Variants in C11orf98 observed in about 807,000 individuals in gnomAD.
C11orf98 encodes chromosome 11 open reading frame 98.
Under a neutral mutation model 10.9 loss-of-function variants are expected in C11orf98, and 7 were observed. The ratio of observed to expected loss-of-function variants is 0.64; its 90% confidence interval spans 0.37 to 1.21. The LOEUF is 1.21. Ranked by LOEUF, C11orf98 falls within the 50% of genes most tolerant of loss-of-function variation. The pLI is 0.02. For synonymous variants in C11orf98, 70 were observed against 57.2 expected, an observed-to-expected ratio of 1.22 and a Z score of -1.01; for missense variants, 181 against 153.7, an observed-to-expected ratio of 1.18 and a Z score of -0.94.
intron 3 of C11orf98, 29 bp from the exon 4 acceptor site, chr11:62,663,188 C>T (rs1944699207): frequency 1.2e-6 from 2 of 1,613,640 alleles, no homozygotes; most frequent in Non-Finnish European, 1.7e-6. Flanking sequence ...GAAGTATTAT[C>T]CCAAATAAAT....
At position 62,665,152 on chromosome 11, in the gene C11orf98, TC is replaced by T. The variant is rs1565125738; in HGVS notation, c.17del (p.Gly6GlufsTer10). 5.2e-6 allele frequency: 5 copies of T among 952,528 alleles called. No homozygotes were observed. Among genetic ancestry groups the T allele is most frequent in the African/African-American group, 3.2e-5 (2 of 61,616 alleles). 59.0% of individuals were successfully genotyped at this position (952,528 alleles called of 1,614,324 possible). On this transcript the variant is annotated frameshift_variant, in exon 1 of 4. Coordinates refer to ENST00000524958, the MANE Select transcript of C11orf98 (RefSeq NM_001286086.2). LOFTEE classifies it high-confidence loss of function. ...TCACCGTTCGGGGCCGGTTGATCTT[TC>T]CCCCCGGAGCTCCCATAGTCGCGAT... MGAPGGKINRPRTELK... is the reference protein window; with the variant it reads MGAPGXKINRPRTELK...
chr11:62,664,082 GAAAA>G (rs71056540), intron 2 of C11orf98, among the ~76,000 whole-genome samples: 40 of 65,938 alleles, frequency 6.1e-4, no homozygotes, highest in African/African-American at 2.3e-3. Context: ...CAAAAAAGAG[GAAAA>G]AAAAAAAAAA....
intron 2 of C11orf98, among the ~76,000 whole-genome samples, chr11:62,664,299 T>C (rs538988027): frequency 2.7e-5 from 4 of 150,344 alleles, no homozygotes; most frequent in African/African-American, 4.9e-5. Context: ...ACTTGGAGAA[T>C]GGAGAGCCAA....
In C11orf98 at chr11:62,662,967, G is replaced by A; in HGVS notation, c.*83C>T. Reference sequence around the variant, plus strand: ...GGAGGAAATCTGGAGAGTGAAAAGGGGCCTTGCTTTTGTCAAAGTCCTCTG... The same window carrying A: ...GGAGGAAATCTGGAGAGTGAAAAGGAGCCTTGCTTTTGTCAAAGTCCTCTG... On this transcript the variant is annotated 3_prime_UTR_variant, in exon 4 of 4. Transcript: ENST00000524958. The A allele has an allele frequency of 9.5e-7, 1 of 1,057,736 alleles. No homozygotes were observed. The highest frequency in any genetic ancestry group is 1.4e-6 in the Non-Finnish European group (1 of 723,178). 65.5% of individuals were successfully genotyped at this position (1,057,736 alleles called of 1,614,324 possible).
Position 62,664,841 on chromosome 11 carries a change from G to A in C11orf98, c.164+8C>T. 6.4e-7 allele frequency: 1 copy of A among 1,561,126 alleles called. No individual in the cohort carries two copies. The highest frequency in any genetic ancestry group is 8.7e-7 in the Non-Finnish European group (1 of 1,152,476). On this transcript the variant is annotated splice_region_variant and intron_variant, in intron 2 of 3. Coordinates refer to ENST00000524958, the MANE Select transcript of C11orf98 (RefSeq NM_001286086.2). Reference sequence around the variant, plus strand: ...GGACGACCAACAGGAAGAGGGTCTAGTACTTACGCCCGCTTCTTGAGGTGG... The same window carrying A: ...GGACGACCAACAGGAAGAGGGTCTAATACTTACGCCCGCTTCTTGAGGTGG...
At chr11:62,663,807 T>TTATGCCTGTAAC (rs1293518905) in intron 2 of C11orf98, among the ~76,000 whole-genome samples, 1 of 151,618 alleles carries the variant, frequency 6.6e-6, no homozygotes, top group Non-Finnish European at 1.5e-5. Flanking sequence ...GGGCGGTGGC[T>TTATGCCTGTAAC]TATGCCTGTA....
intron 2 of C11orf98, 111 bp downstream of exon 2, chr11:62,664,738 C>T: frequency 7.3e-7 from 1 of 1,366,542 alleles, no homozygotes; most frequent in Non-Finnish European, 9.9e-7. Flanking sequence ...ACATTCCCCG[C>T]ATAAGCGTCA....
chr11:62,665,013 G>C (rs751030617), intron 1 of C11orf98, 40 bp from the exon 2 acceptor site: 6 of 1,602,578 alleles, frequency 3.7e-6, no homozygotes, highest in Non-Finnish European at 5.1e-6. Flanking sequence ...GAGTGGGCTC[G>C]CCGCGACCCG....
intron 3 of C11orf98, 35 bp from the exon 4 acceptor site, chr11:62,663,194 T>C (rs1304205081): frequency 3.7e-6 from 6 of 1,613,760 alleles, no homozygotes; most frequent in Non-Finnish European, 5.1e-6. Flanking sequence ...TTATCCCAAA[T>C]AAATCCAGGA....
At position 62,663,134 on chromosome 11, in the gene C11orf98, C is replaced by G; in HGVS notation, c.288G>C (p.Arg96Ser). 1.2e-6 allele frequency: 2 copies of G among 1,614,110 alleles called. No homozygotes were observed. Among genetic ancestry groups the G allele is most frequent in the Non-Finnish European group, 1.7e-6 (2 of 1,179,996 alleles). ...GCCTTTTGAGCTGTGGTTCACTAGT[C>G]CTGGCTGGCTTTGAAGGGGCTTCCA... ...MEVEAPSKPA[R>S]TSEPQLKRQK... The change falls in exon 4 of 4, where the codon AGG becomes AGC. Residue 96 changes from arginine (R) to serine (S), a missense_variant. Coordinates refer to ENST00000524958, the MANE Select transcript of C11orf98 (RefSeq NM_001286086.2).
At position 62,663,071 on chromosome 11, in the gene C11orf98, C is replaced by T; in HGVS notation, c.351G>A (p.Lys117=). Residue 117 remains lysine (K), a synonymous_variant, in exon 4 of 4, where the codon AAG becomes AAA. Transcript: ENST00000524958. ...KTKAPQDVEM[K]DLEDES ...AGGTTTAGCTCTCATCTTCAAGGTC[C>T]TTCATTTCTACATCCTGGGGGGCTT... 1 of 1,603,988 alleles carries T rather than the reference C, an allele frequency of 6.2e-7. No homozygotes were observed. Among genetic ancestry groups the T allele is most frequent in the Non-Finnish European group, 8.5e-7 (1 of 1,172,072 alleles).
At chr11:62,665,003 G>C (rs766838791) in intron 1 of C11orf98, 30 bp from the exon 2 acceptor site, 8 of 1,605,286 alleles carry the variant, frequency 5.0e-6, no homozygotes, top group African/African-American at 1.3e-5. Flanking sequence ...GAATCAGATG[G>C]AGTGGGCTCG....
At chr11:62,664,082 GAAAAAA>G (rs71056540) in intron 2 of C11orf98, among the ~76,000 whole-genome samples, 4 of 65,944 alleles carry the variant, frequency 6.1e-5, no homozygotes, top group Admixed American at 1.9e-4. Flanking sequence ...CAAAAAAGAG[GAAAAAA>G]AAAAAAAAAA....
chr11:62,663,207 C>T (rs774029741), intron 3 of C11orf98, 29 bp downstream of exon 3: 4 of 1,613,788 alleles, frequency 2.5e-6, no homozygotes, highest in Non-Finnish European at 2.5e-6. Context: ...ATCCAGGATT[C>T]CCCTCACCCA....
intron 2 of C11orf98, among the ~76,000 whole-genome samples, chr11:62,664,073 A>C (rs1255312035): frequency 2.2e-5 from 3 of 139,000 alleles, no homozygotes; most frequent in Non-Finnish European, 4.7e-5. Context: ...ACTCTGTCTC[A>C]AAAAAGAGGA....
chr11:62,663,502 C>T (rs1463963380), intron 2 of C11orf98, among the ~76,000 whole-genome samples, 169 bp from the exon 3 acceptor site: 1 of 151,820 alleles, frequency 6.6e-6, no homozygotes, highest in Non-Finnish European at 1.5e-5. Flanking sequence ...GTCAGGAGAT[C>T]GAGACCACGG....
Position 62,663,132 on chromosome 11 carries a change from G to A in C11orf98, c.290C>T (p.Thr97Ile), listed in dbSNP as rs1590843495. Residue 97 changes from threonine (T) to isoleucine (I), a missense_variant, in exon 4 of 4, where the codon ACT becomes ATT. Coordinates refer to ENST00000524958, the MANE Select transcript of C11orf98 (RefSeq NM_001286086.2). ...TTGCCTTTTGAGCTGTGGTTCACTA[G>A]TCCTGGCTGGCTTTGAAGGGGCTTC... ...EVEAPSKPAR[T>I]SEPQLKRQKK... The A allele has an allele frequency of 6.2e-7, 1 of 1,614,112 alleles. No individual in the cohort carries two copies. Among genetic ancestry groups the A allele is most frequent in the Non-Finnish European group, 8.5e-7 (1 of 1,179,990 alleles).
Position 62,662,846 on chromosome 11 carries a change from A to G in C11orf98, c.*204T>C. Reference sequence around the variant, plus strand: ...AGTGCTAGGGCTTTATTACAAATGGAGTTGACTGCTAGAGAGGCCCTTCTC... The same window carrying G: ...AGTGCTAGGGCTTTATTACAAATGGGGTTGACTGCTAGAGAGGCCCTTCTC... On this transcript the variant is annotated 3_prime_UTR_variant, in exon 4 of 4. Coordinates refer to ENST00000524958, the MANE Select transcript of C11orf98 (RefSeq NM_001286086.2). The G allele has an allele frequency of 1.9e-6, 1 of 533,392 alleles. No homozygotes were observed. The highest frequency in any genetic ancestry group is 2.4e-5 in the South Asian group (1 of 41,798). 33.0% of individuals were successfully genotyped at this position (533,392 alleles called of 1,614,324 possible).
At position 62,663,224 on chromosome 11, in the gene C11orf98, T is replaced by G; in HGVS notation, c.262+12A>C. On this transcript the variant is annotated intron_variant, in intron 3 of 3. Transcript: ENST00000524958. Reference sequence around the variant, plus strand: ...CCAGGATTCCCCTCACCCACCTCTGTCCCAGCCTCACCTTCCATGGCTGTC... The same window carrying G: ...CCAGGATTCCCCTCACCCACCTCTGGCCCAGCCTCACCTTCCATGGCTGTC... 6.2e-7 allele frequency: 1 copy of G among 1,613,854 alleles called. No homozygotes were observed. The highest frequency in any genetic ancestry group is 1.1e-5 in the South Asian group (1 of 91,088).
Sources: gnomAD v4.1 joint callset for allele counts (sites outside exome capture counted in the v4.1 genomes callset) on GRCh38, gnomAD v4.1.1 for gene constraint, MANE v1.5 for transcripts, NCBI Gene and HGNC (gene_info 2026-07-23, HGNC 2026-07-21) for gene names.